Variants in CADPS observed in about 807,000 individuals in gnomAD.
CADPS encodes the protein calcium dependent secretion activator.
In CADPS, 57 loss-of-function variants were observed where a neutral mutation model predicts 167.3. The ratio of observed to expected loss-of-function variants is 0.34; its 90% CI spans 0.28 to 0.42. CADPS has a LOEUF of 0.42. Among genes scored for constraint, CADPS ranks in the 20% least tolerant of loss-of-function variants. CADPS has a pLI of 1.00. For missense variants in CADPS, 1,414 were observed against 1,738.1 expected, an observed-to-expected ratio of 0.81 and a Z score of 3.32; for synonymous variants, 676 against 635.3, an observed-to-expected ratio of 1.06 and a Z score of -0.96.
At chr3:62,572,882 CT>C (rs966213423) in intron 8 of CADPS, among the ~76,000 whole-genome samples, 9 of 151,742 alleles carry the variant, frequency 5.9e-5, no homozygotes, top group African/African-American at 2.2e-4. Context: ...CTCACATATA[CT>C]TTTTTTTTCT....
intron 3 of CADPS, among the ~76,000 whole-genome samples, chr3:62,710,288 G>C (rs1285439289): frequency 6.6e-6 from 1 of 151,358 alleles, no homozygotes; most frequent in Admixed American, 6.6e-5. Context: ...GTGGGGGAGG[G>C]GCAGGTGTTT....
chr3:62,694,907 T>C (rs1311675547), intron 3 of CADPS, among the ~76,000 whole-genome samples: 1 of 152,044 alleles, frequency 6.6e-6, no homozygotes, highest in Non-Finnish European at 1.5e-5. Context: ...AATTATATGG[T>C]GCTGTTTTCT....
chr3:62,818,416 G>C (rs1266465639), intron 1 of CADPS, among the ~76,000 whole-genome samples: 1 of 152,134 alleles, frequency 6.6e-6, no homozygotes. Flanking sequence ...GCAGGTGCAC[G>C]AGTGGCTAAT....
At chr3:62,470,259 A>G (rs1465895769) in intron 24 of CADPS, among the ~76,000 whole-genome samples, 1 of 152,226 alleles carries the variant, frequency 6.6e-6, no homozygotes, top group Non-Finnish European at 1.5e-5. Flanking sequence ...TCACCTGGCC[A>G]GTATCTAATC....
intron 13 of CADPS, among the ~76,000 whole-genome samples, chr3:62,523,204 A>G (rs1314945511): frequency 6.6e-6 from 1 of 152,014 alleles, no homozygotes; most frequent in Non-Finnish European, 1.5e-5. Flanking sequence ...TTTTTTGTCA[A>G]ATTGAAACTA....
intron 3 of CADPS, among the ~76,000 whole-genome samples, chr3:62,706,581 GA>G: frequency 6.6e-6 from 1 of 152,252 alleles, no homozygotes. Context: ...GGTTGCCTCT[GA>G]GGCCACAAGG....
intron 26 of CADPS, among the ~76,000 whole-genome samples, chr3:62,461,537 T>C (rs961913233): frequency 6.6e-6 from 1 of 152,142 alleles, no homozygotes; most frequent in Admixed American, 6.5e-5. Context: ...CCCCCAACAT[T>C]CACTTAATCC....
At chr3:62,693,636 T>C (rs1225983613) in intron 3 of CADPS, among the ~76,000 whole-genome samples, 1 of 151,694 alleles carries the variant, frequency 6.6e-6, no homozygotes, top group African/African-American at 2.4e-5. Flanking sequence ...ACAAAAAAAA[T>C]TAGCCAAGCA....
intron 1 of CADPS, among the ~76,000 whole-genome samples, chr3:62,782,494 C>T (rs576601950): frequency 1.8e-4 from 27 of 152,282 alleles, no homozygotes; most frequent in African/African-American, 6.0e-4. Context: ...ACGCCCAACA[C>T]TTTACTTAAT....
rs1476385131 is a variant in CADPS at position 62,421,109 on chromosome 3, T to G, written c.3777+16995A>C. ...GTCTGCGTCAGGTCCCCCATTGAAGTGTTCAGATGGGTCTAGGGCCTGAGC... is the reference window on the plus strand; with the variant it reads ...GTCTGCGTCAGGTCCCCCATTGAAGGGTTCAGATGGGTCTAGGGCCTGAGC... On this transcript the variant is annotated intron_variant, in intron 28 of 29. Coordinates refer to ENST00000383710, the MANE Select transcript of CADPS (RefSeq NM_003716.4). The surrounding 1 kb of genome is among the most constrained non-coding windows in gnomAD (Gnocchi z 4.7). Among the ~76,000 whole-genome samples the G allele has an allele frequency of 5.9e-5, 9 of 152,080 alleles. No individual in the cohort carries two copies. The highest frequency in any genetic ancestry group is 2.0e-4 in the Admixed American group (3 of 15,270).
At chr3:62,471,922 A>C (rs2060670628) in intron 24 of CADPS, among the ~76,000 whole-genome samples, 1 of 152,236 alleles carries the variant, frequency 6.6e-6, no homozygotes. Flanking sequence ...AAGAACTCTT[A>C]CAACTCAATA....
chr3:62,536,599 T>TAG lies in CADPS; in HGVS notation c.1967-20_1967-19dup, dbSNP rs1217157310. On this transcript the variant is annotated intron_variant, in intron 11 of 29. Transcript: ENST00000383710. Reference sequence around the variant, plus strand: ...ATCTGCGTCTGTTCATTTATACATGTAGAGAGAGACACAATTTAGAGAAAC... The same window carrying TAG: ...ATCTGCGTCTGTTCATTTATACATGTAGAGAGAGAGACACAATTTAGAGAAAC... 1.2e-6 allele frequency: 2 copies of TAG among 1,609,362 alleles called. No homozygotes were observed. Among genetic ancestry groups the TAG allele is most frequent in the Admixed American group, 1.7e-5 (1 of 59,440 alleles).
chr3:62,730,810 G>C (rs2077627602), intron 3 of CADPS, among the ~76,000 whole-genome samples: 1 of 152,190 alleles, frequency 6.6e-6, no homozygotes, highest in Admixed American at 6.5e-5. Context: ...CCATATTCTA[G>C]ATCATGAAAC....
chr3:62,748,372 A>AAAAAAAAAAAAAC (rs2081995155), intron 3 of CADPS, among the ~76,000 whole-genome samples: 1 of 141,982 alleles, frequency 7.0e-6, no homozygotes, highest in African/African-American at 2.6e-5. Flanking sequence ...AAAAAAAAAA[A>AAAAAAAAAAAAAC]ATTAAGATGT....
At chr3:62,647,482 G>A (rs2068846972) in intron 5 of CADPS, among the ~76,000 whole-genome samples, 2 of 152,126 alleles carry the variant, frequency 1.3e-5, no homozygotes, top group Admixed American at 1.3e-4. Context: ...TGACCCAGAA[G>A]CCATACTTTC....
chr3:62,559,773 C>T lies in CADPS; in HGVS notation c.1645-2260G>A, dbSNP rs552794343. On this transcript the variant is annotated intron_variant, in intron 9 of 29. Transcript: ENST00000383710. Reference sequence around the variant, plus strand: ...CCTCCCAAAGTGCTGGGATTACAGGCGTGAGCCACCATGCCCAGCCGGATT... The same window carrying T: ...CCTCCCAAAGTGCTGGGATTACAGGTGTGAGCCACCATGCCCAGCCGGATT... 3.9e-5 allele frequency among the ~76,000 whole-genome samples: 6 copies of T among 152,194 alleles called. No homozygotes were observed. In the South Asian group the frequency reaches 1.0e-3, roughly 26 times the overall value.
intron 1 of CADPS, among the ~76,000 whole-genome samples, chr3:62,776,818 G>A (rs1418837442): frequency 6.6e-6 from 1 of 152,150 alleles, no homozygotes; most frequent in Non-Finnish European, 1.5e-5. Context: ...GGCAGGGATA[G>A]CTGGGAAAAG....
intron 3 of CADPS, among the ~76,000 whole-genome samples, chr3:62,706,287 C>T (rs2082294895): frequency 6.6e-6 from 1 of 152,124 alleles, no homozygotes; most frequent in Admixed American, 6.5e-5. Context: ...ACCTTATTAA[C>T]ATAATTTGTG....
At chr3:62,427,689 A>G (rs1303941039) in intron 28 of CADPS, among the ~76,000 whole-genome samples, 1 of 152,188 alleles carries the variant, frequency 6.6e-6, no homozygotes, top group Non-Finnish European at 1.5e-5. Context: ...AAACTAATGA[A>G]GCACCTAATA....
Sources: gnomAD v4.1 joint callset for allele counts (sites outside exome capture counted in the v4.1 genomes callset) on GRCh38, gnomAD v4.1.1 for gene constraint, Gnocchi (gnomAD v3.1) non-coding constraint, MANE v1.5 for transcripts, NCBI Gene and HGNC (gene_info 2026-07-23, HGNC 2026-07-21) for gene names.